The following DEPDC1B variants were observed in gnomAD, a reference collection of about 807,000 sequenced individuals.
DEPDC1B encodes the protein DEP domain containing 1B, also known as DEP domain-containing protein 1B.
Under a neutral mutation model 66.5 loss-of-function variants are expected in DEPDC1B, and 51 were observed. The observed-to-expected ratio is 0.77, with a 90% CI of 0.61 to 0.97. DEPDC1B has a LOEUF of 0.97. Among genes scored for constraint, DEPDC1B ranks in the 50% least tolerant of loss-of-function variants. The pLI is 0.00. For synonymous variants in DEPDC1B, 226 were observed against 223.6 expected (o/e 1.01, Z -0.10); for missense variants, 552 against 637.1 (o/e 0.87, Z 1.44).
At chr5:60,674,780 C>T (rs1329777682) in intron 2 of DEPDC1B, among the ~76,000 whole-genome samples, 1 of 152,108 alleles carries the variant, frequency 6.6e-6, no homozygotes, top group Non-Finnish European at 1.5e-5. Flanking sequence ...CAAATTCTGG[C>T]TGATTTAACC....
intron 1 of DEPDC1B, among the ~76,000 whole-genome samples, chr5:60,689,946 C>A (rs116390606): frequency 6.6e-6 from 1 of 151,924 alleles, no homozygotes; most frequent in Non-Finnish European, 1.5e-5. Flanking sequence ...GCAGACTGAG[C>A]GGGGAGGCTG....
At chr5:60,602,907 A>G (rs1752231762) in intron 9 of DEPDC1B, among the ~76,000 whole-genome samples, 1 of 152,198 alleles carries the variant, frequency 6.6e-6, no homozygotes, top group Non-Finnish European at 1.5e-5. Flanking sequence ...CTGTACTATG[A>G]TTTTTAGACA....
At chr5:60,649,969 T>C (rs1026556033) in intron 2 of DEPDC1B, among the ~76,000 whole-genome samples, 14 of 152,068 alleles carry the variant, frequency 9.2e-5, no homozygotes, top group African/African-American at 3.1e-4. Flanking sequence ...TTCCATATCA[T>C]ACAATGTTAA....
In DEPDC1B at chr5:60,659,158, C is replaced by A. The variant is rs867188383; in HGVS notation, c.315-11625G>T. On this transcript the variant is annotated intron_variant, in intron 2 of 10. Transcript: ENST00000265036. ...GTTCCATTCCTTGGAATCCATGAGGCCAAGAACCCCTGGTCAGAGAACAAA... is the reference window on the plus strand; with the variant it reads ...GTTCCATTCCTTGGAATCCATGAGGACAAGAACCCCTGGTCAGAGAACAAA... Among the ~76,000 whole-genome samples, 10 of 152,248 alleles carry A rather than the reference C, an allele frequency of 6.6e-5. 1 individual carries two copies. In the East Asian group the frequency reaches 9.7e-4, roughly 15 times the overall value.
intron 6 of DEPDC1B, 66 bp downstream of exon 6, chr5:60,642,746 A>T (rs567587167): frequency 7.6e-7 from 1 of 1,310,336 alleles, no homozygotes; most frequent in Non-Finnish European, 1.1e-6. Context: ...TTGAGCAGAA[A>T]TTTTTCCTAA....
chr5:60,624,161 G>T (rs563248991), intron 7 of DEPDC1B, among the ~76,000 whole-genome samples: 4 of 152,088 alleles, frequency 2.6e-5, no homozygotes, highest in Non-Finnish European at 4.4e-5. Flanking sequence ...GGCTGAGGAA[G>T]TTTTCTTCTA....
chr5:60,608,898 C>T (rs557342397), intron 7 of DEPDC1B, among the ~76,000 whole-genome samples: 2 of 152,158 alleles, frequency 1.3e-5, no homozygotes, highest in Non-Finnish European at 2.9e-5. Flanking sequence ...CACCTGAGGC[C>T]AGGAGCTTAA....
chr5:60,644,907 T>G, intron 4 of DEPDC1B, 32 bp from the exon 5 acceptor site: 1 of 1,496,172 alleles, frequency 6.7e-7, no homozygotes, highest in African/African-American at 1.4e-5. Context: ...TAATTAGTTC[T>G]GTCTTTAATA....
At chr5:60,693,790 A>G (rs1754595743) in intron 1 of DEPDC1B, among the ~76,000 whole-genome samples, 1 of 152,038 alleles carries the variant, frequency 6.6e-6, no homozygotes, top group East Asian at 1.9e-4. Flanking sequence ...TTTTTAATAC[A>G]TGCCCTGATA....
intron 2 of DEPDC1B, among the ~76,000 whole-genome samples, chr5:60,669,223 C>T (rs1753973318): frequency 6.6e-6 from 1 of 152,036 alleles, no homozygotes; most frequent in South Asian, 2.1e-4. Flanking sequence ...TCATCTAAAC[C>T]ACAAAGAAAC....
chr5:60,675,603 G>A (rs1354428149), intron 2 of DEPDC1B, among the ~76,000 whole-genome samples: 1 of 152,202 alleles, frequency 6.6e-6, no homozygotes, highest in Admixed American at 6.5e-5. Flanking sequence ...TGAACAATAT[G>A]TTTAAAACTT....
At chr5:60,686,743 GCAA>G (rs897579284) in intron 2 of DEPDC1B, among the ~76,000 whole-genome samples, 11 of 152,274 alleles carry the variant, frequency 7.2e-5, no homozygotes, top group Admixed American at 2.6e-4. Context: ...AAACATCACT[GCAA>G]CAAAACACAG....
At chr5:60,681,733 CACAG>C (rs1754300866) in intron 2 of DEPDC1B, among the ~76,000 whole-genome samples, 1 of 151,904 alleles carries the variant, frequency 6.6e-6, no homozygotes, top group African/African-American at 2.4e-5. Context: ...TACAAAATAA[CACAG>C]ACAGACAATA....
At chr5:60,605,035 A>G (rs1324848456) in intron 8 of DEPDC1B, among the ~76,000 whole-genome samples, 1 of 152,214 alleles carries the variant, frequency 6.6e-6, no homozygotes, top group Non-Finnish European at 1.5e-5. Context: ...GTTTTGCTCA[A>G]AGACATTTTT....
intron 8 of DEPDC1B, 55 bp from the exon 9 acceptor site, chr5:60,603,622 G>C (rs1752249612): frequency 2.0e-6 from 3 of 1,495,568 alleles, no homozygotes; most frequent in African/African-American, 1.4e-5. Flanking sequence ...TCTGAACTGA[G>C]TGCAATCTAA....
At chr5:60,663,201 A>G (rs1753760731) in intron 2 of DEPDC1B, among the ~76,000 whole-genome samples, 1 of 152,186 alleles carries the variant, frequency 6.6e-6, no homozygotes, top group African/African-American at 2.4e-5. Flanking sequence ...ATGGATGAGC[A>G]AACAATGCCC....
intron 2 of DEPDC1B, among the ~76,000 whole-genome samples, chr5:60,680,019 G>A (rs527614427): frequency 8.7e-4 from 133 of 152,268 alleles, no homozygotes; most frequent in African/African-American, 3.1e-3. Context: ...TCATAGAATT[G>A]TCGTAAAGAT....
intron 7 of DEPDC1B, among the ~76,000 whole-genome samples, chr5:60,626,132 C>T (rs1237534623): frequency 6.6e-6 from 1 of 152,044 alleles, no homozygotes; most frequent in Non-Finnish European, 1.5e-5. Context: ...TCCCCACAAC[C>T]CCTGGAAACC....
At chr5:60,636,677 CCTT>C (rs1489717064) in intron 7 of DEPDC1B, among the ~76,000 whole-genome samples, 2 of 151,960 alleles carry the variant, frequency 1.3e-5, no homozygotes, top group South Asian at 2.1e-4. Context: ...ATCTAGAAGG[CCTT>C]CTTCTTTCTT....
Sources: allele counts gnomAD v4.1 joint callset (sites outside exome capture counted in the v4.1 genomes callset), GRCh38; gene constraint gnomAD v4.1.1; transcripts MANE v1.5; gene names NCBI Gene and HGNC (gene_info 2026-07-23, HGNC 2026-07-21).